The following KCND2 variants were observed in gnomAD, a reference collection of about 807,000 sequenced individuals.
KCND2 encodes the protein potassium voltage-gated channel subfamily D member 2.
In KCND2, 16 loss-of-function variants were observed where a neutral mutation model predicts 54.4. That is an observed-to-expected ratio of 0.29 (90% CI 0.20 to 0.45). The LOEUF (loss-of-function observed/expected upper bound fraction) is 0.45. Among genes scored for constraint, KCND2 ranks in the 20% least tolerant of loss-of-function variants. The probability of loss-of-function intolerance (pLI) is 1.00; values close to 1 mark genes in which losing one functional copy is unlikely to be tolerated. For missense variants in KCND2, 486 were observed against 824.2 expected, an observed-to-expected ratio of 0.59 and a Z score of 5.02; for synonymous variants, 317 against 310.7, an observed-to-expected ratio of 1.02 and a Z score of -0.21.
intron 1 of KCND2, among the ~76,000 whole-genome samples, chr7:120,447,837 T>A (rs1187397752): frequency 6.6e-6 from 1 of 152,138 alleles, no homozygotes; most frequent in Non-Finnish European, 1.5e-5. Context: ...TTTTTTTATT[T>A]TTTATTATTT....
At chr7:120,496,734 T>A (rs1369899872) in intron 1 of KCND2, among the ~76,000 whole-genome samples, 1 of 152,146 alleles carries the variant, frequency 6.6e-6, no homozygotes, top group Admixed American at 6.6e-5. Flanking sequence ...TTCTTAAAGC[T>A]TTTCTTAATT....
At chr7:120,608,740 A>G (rs2116483381) in intron 1 of KCND2, among the ~76,000 whole-genome samples, 1 of 152,250 alleles carries the variant, frequency 6.6e-6, no homozygotes, top group African/African-American at 2.4e-5. Context: ...TATAGGGTTA[A>G]ATATAGCACC....
Position 120,560,477 on chromosome 7 carries a change from G to A in KCND2, c.1116-172426G>A, listed in dbSNP as rs534184029. Among the ~76,000 whole-genome samples the A allele has an allele frequency of 5.3e-5, 8 of 152,242 alleles. No individual in the cohort carries two copies. In the South Asian group the frequency reaches 1.5e-3, roughly 28 times the overall value. On this transcript the variant is annotated intron_variant, in intron 1 of 5. Coordinates refer to ENST00000331113, the MANE Select transcript of KCND2 (RefSeq NM_012281.3). ...GAGCCAATATCATCTTAAATGATAGGGATTCAGTTTCTATGGAGCCCTTCT... is the reference window on the plus strand; with the variant it reads ...GAGCCAATATCATCTTAAATGATAGAGATTCAGTTTCTATGGAGCCCTTCT...
chr7:120,657,689 C>CA (rs969010838), intron 1 of KCND2, among the ~76,000 whole-genome samples: 3 of 151,652 alleles, frequency 2.0e-5, no homozygotes, highest in Admixed American at 1.3e-4. Flanking sequence ...CCATCTCTAC[C>CA]AAAAAAAAGT....
chr7:120,479,962 C>CAAAA (rs35246643), intron 1 of KCND2, among the ~76,000 whole-genome samples: 14 of 68,538 alleles, frequency 2.0e-4, no homozygotes, highest in East Asian at 5.6e-4. Context: ...GTAAGACTGT[C>CAAAA]AAAAAAAAAA....
chr7:120,437,890 G>A (rs930949513), intron 1 of KCND2, among the ~76,000 whole-genome samples: 4 of 152,174 alleles, frequency 2.6e-5, no homozygotes, highest in Non-Finnish European at 5.9e-5. Flanking sequence ...ATTTTGAAGT[G>A]CCTCTGAGAA....
At chr7:120,698,252 C>T (rs1792357484) in intron 1 of KCND2, among the ~76,000 whole-genome samples, 1 of 151,918 alleles carries the variant, frequency 6.6e-6, no homozygotes, top group Non-Finnish European at 1.5e-5. Flanking sequence ...ACCTTTTATC[C>T]TTTTAATACA....
At chr7:120,634,304 T>G (rs1793276900) in intron 1 of KCND2, among the ~76,000 whole-genome samples, 1 of 152,146 alleles carries the variant, frequency 6.6e-6, no homozygotes, top group African/African-American at 2.4e-5. Flanking sequence ...TTTGAGAAAA[T>G]ATTAATAAAA....
intron 1 of KCND2, among the ~76,000 whole-genome samples, chr7:120,704,323 CA>C (rs1272802599): frequency 6.6e-6 from 1 of 152,036 alleles, no homozygotes; most frequent in Admixed American, 6.6e-5. Context: ...ATACATTATT[CA>C]GGATGGTAAA....
Position 120,472,941 on chromosome 7 carries a change from A to C in KCND2, c.1115+197194A>C, listed in dbSNP as rs1584793256. Among the ~76,000 whole-genome samples the C allele has an allele frequency of 1.3e-5, 2 of 152,362 alleles. 1 individual carries two copies. Among genetic ancestry groups the C allele is most frequent in the Non-Finnish European group, 2.9e-5 (2 of 68,038 alleles). ...GCAGTTAATAAAGACTCTGAAACAG[A>C]AACTAAAATAAAATTCACCTGTCAA... On this transcript the variant is annotated intron_variant, in intron 1 of 5. Coordinates refer to ENST00000331113, the MANE Select transcript of KCND2 (RefSeq NM_012281.3).
chr7:120,618,041 A>G (rs1175090590), intron 1 of KCND2, among the ~76,000 whole-genome samples: 1 of 152,180 alleles, frequency 6.6e-6, no homozygotes, highest in Non-Finnish European at 1.5e-5. Flanking sequence ...ATGAGGGTCG[A>G]AAAGCTACCT....
intron 1 of KCND2, among the ~76,000 whole-genome samples, chr7:120,385,157 C>A (rs928634378): frequency 6.6e-6 from 1 of 151,438 alleles, no homozygotes; most frequent in Non-Finnish European, 1.5e-5. Context: ...CAGGTGCATG[C>A]CACCACGCTC....
At chr7:120,501,106 G>T (rs182059558) in intron 1 of KCND2, among the ~76,000 whole-genome samples, 1 of 152,168 alleles carries the variant, frequency 6.6e-6, no homozygotes, top group Non-Finnish European at 1.5e-5. Context: ...TCTAGAATCT[G>T]TTAGTCCATG....
chr7:120,463,662 T>C (rs1802320039), intron 1 of KCND2, among the ~76,000 whole-genome samples: 1 of 152,098 alleles, frequency 6.6e-6, no homozygotes, highest in Non-Finnish European at 1.5e-5. Context: ...CTGTATTTGA[T>C]TTGCAGAAAG....
chr7:120,505,235 C>T (rs775836500), intron 1 of KCND2, among the ~76,000 whole-genome samples: 19 of 151,522 alleles, frequency 1.3e-4, no homozygotes, highest in Non-Finnish European at 2.2e-4. Context: ...AAGATAACAA[C>T]ATTCTGTAAC....
chr7:120,612,389 G>A (rs17283053), intron 1 of KCND2, among the ~76,000 whole-genome samples: 5,988 of 152,210 alleles, frequency 0.039, 157 homozygotes, highest in Non-Finnish European at 0.065. Flanking sequence ...ATTAAATAAA[G>A]CAATTAAGAA....
At chr7:120,669,210 T>C (rs534448567) in intron 1 of KCND2, among the ~76,000 whole-genome samples, 1 of 152,174 alleles carries the variant, frequency 6.6e-6, no homozygotes, top group East Asian at 1.9e-4. Context: ...AAAAGTGAAG[T>C]CCAAGAAGTA....
chr7:120,484,485 T>A (rs1802661820), intron 1 of KCND2, among the ~76,000 whole-genome samples: 1 of 150,292 alleles, frequency 6.7e-6, no homozygotes, highest in Admixed American at 6.6e-5. Flanking sequence ...TACAAATATT[T>A]TTATATAATA....
At chr7:120,308,722 C>T (rs1799684702) in intron 1 of KCND2, among the ~76,000 whole-genome samples, 1 of 152,108 alleles carries the variant, frequency 6.6e-6, no homozygotes, top group Non-Finnish European at 1.5e-5. Flanking sequence ...GAGAAAACTG[C>T]CTTGTAGGTG....
Sources: allele counts gnomAD v4.1 joint callset (sites outside exome capture counted in the v4.1 genomes callset), GRCh38; gene constraint gnomAD v4.1.1; transcripts MANE v1.5; gene names NCBI Gene and HGNC (gene_info 2026-07-23, HGNC 2026-07-21).